Variants in SENP7 observed in about 807,000 individuals in gnomAD.
SENP7 encodes SUMO specific peptidase 7, also known as sentrin-specific protease 7.
SENP7 carries 64 observed loss-of-function variants against 141.2 expected under a neutral mutation model. That is an observed-to-expected ratio of 0.45 (90% CI 0.37 to 0.56). SENP7 has a LOEUF of 0.56. SENP7 is among the 20% of genes least tolerant of loss of function. The pLI, the probability that SENP7 is intolerant of heterozygous loss-of-function variation, is 0.00. For missense variants in SENP7, 1,025 were observed against 1,212.2 expected (o/e 0.85, Z 2.29); for synonymous variants, 382 against 426.4 (o/e 0.90, Z 1.28).
intron 4 of SENP7, among the ~76,000 whole-genome samples, chr3:101,426,723 C>A (rs1366206089): frequency 6.6e-6 from 1 of 152,012 alleles, no homozygotes; most frequent in African/African-American, 2.4e-5. Flanking sequence ...CTCAAGTGAT[C>A]CTCCCACCTC....
intron 3 of SENP7, among the ~76,000 whole-genome samples, chr3:101,472,266 T>C (rs1576458013): frequency 6.6e-6 from 1 of 152,152 alleles, no homozygotes; most frequent in African/African-American, 2.4e-5. Flanking sequence ...TGTCCATCAA[T>C]GATAGACTGG....
chr3:101,417,395 A>G (rs944006938), intron 5 of SENP7, among the ~76,000 whole-genome samples, 198 bp downstream of exon 5: 1 of 152,174 alleles, frequency 6.6e-6, no homozygotes. Flanking sequence ...TTCCATGTCA[A>G]TCTGCTTAAT....
At chr3:101,342,686 T>C (rs1029176857) in intron 14 of SENP7, among the ~76,000 whole-genome samples, 4 of 151,984 alleles carry the variant, frequency 2.6e-5, no homozygotes, top group African/African-American at 9.7e-5. Context: ...TTTTTTTTTT[T>C]TTAGACAGTC....
At chr3:101,425,613 T>C (rs924459387) in intron 4 of SENP7, among the ~76,000 whole-genome samples, 8 of 152,192 alleles carry the variant, frequency 5.3e-5, no homozygotes, top group Non-Finnish European at 1.0e-4. Flanking sequence ...GCCTTCTTTC[T>C]TCCAAAGAAC....
Position 101,327,772 on chromosome 3 carries a change from T to G in SENP7, c.2909A>C (p.Gln970Pro). Residue 970 changes from glutamine (Q) to proline (P), a missense_variant, in exon 23 of 24, where the codon CAA becomes CCA. Gln to Pro is a moderately conservative substitution (Grantham distance 76, BLOSUM62 -1). Coordinates refer to ENST00000394095, the MANE Select transcript of SENP7 (RefSeq NM_020654.5). ...ATCCACCATGTTTGTTTTGCTGAATTGACGATGAGTTTTTAGTTTAACTTC... is the reference window on the plus strand; with the variant it reads ...ATCCACCATGTTTGTTTTGCTGAATGGACGATGAGTTTTTAGTTTAACTTC... ...EWEVKLKTHR[Q>P]FSKTNMVDLC... 1 of 1,611,248 alleles carries G rather than the reference T, an allele frequency of 6.2e-7. No individual in the cohort carries two copies. Among genetic ancestry groups the G allele is most frequent in the Non-Finnish European group, 8.5e-7 (1 of 1,178,310 alleles).
rs1040347680 is a variant in SENP7 at position 101,372,480 on chromosome 3, C to G, written c.678-354G>C. On this transcript the variant is annotated intron_variant, in intron 6 of 23. Coordinates refer to ENST00000394095, the MANE Select transcript of SENP7 (RefSeq NM_020654.5). The stretch of plus-strand genomic sequence containing the variant: ...CTCAATAATTAAACCTATGTATAGG[C>G]AAACAATTATAAGCCAAAGCTGAAT... Among the ~76,000 whole-genome samples, 2 of 152,132 alleles carry G rather than the reference C, an allele frequency of 1.3e-5. 1 individual carries two copies. Among genetic ancestry groups the G allele is most frequent in the Non-Finnish European group, 2.9e-5 (2 of 67,938 alleles).
rs575555150 is a variant in SENP7 at position 101,356,843 on chromosome 3, T to C, written c.1623+4872A>G. On this transcript the variant is annotated intron_variant, in intron 11 of 23. Coordinates refer to ENST00000394095, the MANE Select transcript of SENP7 (RefSeq NM_020654.5). The stretch of plus-strand genomic sequence containing the variant: ...GAGGGTTTTCCTCTAGTACAAAATG[T>C]GTGCAATAAGATCTGTGATACAAGT... 3.9e-5 allele frequency among the ~76,000 whole-genome samples: 6 copies of C among 152,306 alleles called. No individual in the cohort carries two copies. In the South Asian group the frequency reaches 1.2e-3, roughly 32 times the overall value.
At chr3:101,337,314 A>T in intron 17 of SENP7, 195 bp downstream of exon 17, 1 of 350,822 alleles carries the variant, frequency 2.9e-6, no homozygotes. Context: ...GCAGACTGCA[A>T]GTGTCAGCCT....
At chr3:101,383,755 T>C (rs189903287) in intron 6 of SENP7, among the ~76,000 whole-genome samples, 1 of 152,338 alleles carries the variant, frequency 6.6e-6, no homozygotes, top group African/African-American at 2.4e-5. Flanking sequence ...CAGCTCAGTG[T>C]GGGCCTGCAG....
intron 2 of SENP7, among the ~76,000 whole-genome samples, chr3:101,499,174 A>G (rs1235126002): frequency 2.0e-5 from 3 of 152,200 alleles, no homozygotes; most frequent in African/African-American, 7.2e-5. Flanking sequence ...ACTGTAGTAC[A>G]TCTAAAAATC....
intron 13 of SENP7, 92 bp from the exon 14 acceptor site, chr3:101,344,046 G>A: frequency 1.0e-5 from 9 of 881,592 alleles, no homozygotes; most frequent in Non-Finnish European, 1.5e-5. Flanking sequence ...AGTAAGGTTG[G>A]AATATAACCC....
At chr3:101,353,047 A>T (rs749492385) in intron 11 of SENP7, among the ~76,000 whole-genome samples, 2 of 151,970 alleles carry the variant, frequency 1.3e-5, no homozygotes, top group Admixed American at 1.3e-4. Flanking sequence ...CTTTAGTAAG[A>T]TCCTTAATCA....
chr3:101,402,886 A>G (rs2061192155), intron 5 of SENP7, among the ~76,000 whole-genome samples: 1 of 152,236 alleles, frequency 6.6e-6, no homozygotes, highest in African/African-American at 2.4e-5. Flanking sequence ...CTAATAAAAC[A>G]TCCATTCTAT....
intron 6 of SENP7, among the ~76,000 whole-genome samples, chr3:101,393,598 C>T (rs2060879238): frequency 6.6e-6 from 1 of 152,158 alleles, no homozygotes; most frequent in South Asian, 2.1e-4. Context: ...AAATGCTCAA[C>T]TTCACTAATT....
rs1313450472 is a variant in SENP7 at position 101,348,068 on chromosome 3, A to C, written c.1658-17T>G. 1.3e-6 allele frequency: 2 copies of C among 1,535,984 alleles called. No homozygotes were observed. Among genetic ancestry groups the C allele is most frequent in the African/African-American group, 2.8e-5 (2 of 71,996 alleles). On this transcript the variant is annotated splice_polypyrimidine_tract_variant and intron_variant, in intron 12 of 23. Coordinates refer to ENST00000394095, the MANE Select transcript of SENP7 (RefSeq NM_020654.5). ...TCAGGGACACTGAAACAAATAAAAG[A>C]CAACAATTTAAAAAATTAATCCATT...
At chr3:101,330,698 C>A (rs2059025848) in intron 19 of SENP7, among the ~76,000 whole-genome samples, 1 of 152,156 alleles carries the variant, frequency 6.6e-6, no homozygotes, top group Non-Finnish European at 1.5e-5. Flanking sequence ...CTATTTAATG[C>A]AGAAGGTAGT....
intron 13 of SENP7, among the ~76,000 whole-genome samples, chr3:101,346,461 G>A (rs1364432370): frequency 5.3e-5 from 8 of 152,282 alleles, no homozygotes; most frequent in South Asian, 2.1e-4. Context: ...TTGCACACAC[G>A]TTTATAGCAG....
intron 4 of SENP7, among the ~76,000 whole-genome samples, chr3:101,449,990 T>C (rs4683907): frequency 0.4 from 60,266 of 151,834 alleles, 12,464 homozygotes; most frequent in Admixed American, 0.54. Flanking sequence ...GAGACACACA[T>C]AGGCTCAAAA....
intron 3 of SENP7, among the ~76,000 whole-genome samples, chr3:101,486,287 T>G (rs2064725247): frequency 6.6e-6 from 1 of 152,044 alleles, no homozygotes. Context: ...CAAAAAGATC[T>G]TCACCTAGGC....
Sources: gnomAD v4.1 joint callset for allele counts (sites outside exome capture counted in the v4.1 genomes callset) on GRCh38, gnomAD v4.1.1 for gene constraint, MANE v1.5 for transcripts, NCBI Gene and HGNC (gene_info 2026-07-23, HGNC 2026-07-21) for gene names.